CYP2C19: variants seen among roughly 807,000 people sequenced by gnomAD.
The protein encoded by CYP2C19 is cytochrome P450 2C19.
Under a neutral mutation model 40.9 loss-of-function variants are expected in CYP2C19, and 59 were observed. The ratio of observed to expected loss-of-function variants is 1.44; its 90% CI spans 1.17 to 1.79. The LOEUF is 1.79. Among genes scored for constraint, CYP2C19 ranks in the 40% most tolerant of loss-of-function variants. CYP2C19 has a pLI of 0.00. For synonymous variants in CYP2C19, 253 were observed against 208.7 expected (o/e 1.21, Z -1.83); for missense variants, 754 against 596.9 (o/e 1.26, Z -2.74).
intron 3 of CYP2C19, among the ~76,000 whole-genome samples, chr10:94,779,855 C>T (rs940296294): frequency 6.6e-6 from 1 of 152,226 alleles, no homozygotes; most frequent in South Asian, 2.1e-4. Flanking sequence ...CCAGTGTGCC[C>T]TATCTAATTT....
At position 94,834,026 on chromosome 10, in the gene CYP2C19, G is replaced by A. The variant is rs148129779; in HGVS notation, c.962-8811G>A. 3.4e-3 allele frequency among the ~76,000 whole-genome samples: 516 copies of A among 152,240 alleles called. 2 individuals are homozygous for A. The highest frequency in any genetic ancestry group is 0.012 in the African/African-American group (500 of 41,536). Reference sequence around the variant, plus strand: ...AATACTGGCTTCATAGAATGAGTTTGGAAGTATTCTCTTCTCCTTTATTTT... The same window carrying A: ...AATACTGGCTTCATAGAATGAGTTTAGAAGTATTCTCTTCTCCTTTATTTT... On this transcript the variant is annotated intron_variant, in intron 6 of 8. Coordinates refer to ENST00000371321, the MANE Select transcript of CYP2C19 (RefSeq NM_000769.4).
chr10:94,853,306 A>G lies in CYP2C19; in HGVS notation c.*392A>G. 2.6e-6 allele frequency: 1 copy of G among 386,888 alleles called. No individual in the cohort carries two copies. The allele number at this position is 386,888 out of a possible 1,614,324, so 24.0% of individuals were successfully genotyped here. The stretch of plus-strand genomic sequence containing the variant: ...TTCCTTTGTGCATAATGCAGGTGAC[A>G]AATTAAAGAAAATAGAGTTCCAGGA... On this transcript the variant is annotated 3_prime_UTR_variant, in exon 9 of 9. Transcript: ENST00000371321.
At chr10:94,763,023 G>A in intron 1 of CYP2C19, 150 bp downstream of exon 1, 1 of 786,668 alleles carries the variant, frequency 1.3e-6, no homozygotes, top group Non-Finnish European at 2.1e-6. Flanking sequence ...CAGTCTGTCA[G>A]TGTCAGAAAT....
At chr10:94,793,402 C>T (rs940832534) in intron 5 of CYP2C19, among the ~76,000 whole-genome samples, 1 of 152,174 alleles carries the variant, frequency 6.6e-6, no homozygotes, top group East Asian at 1.9e-4. Context: ...CTGTTGCTGG[C>T]AAGGAGCTGC....
At chr10:94,827,324 T>C (rs1849244434) in intron 6 of CYP2C19, among the ~76,000 whole-genome samples, 1 of 152,084 alleles carries the variant, frequency 6.6e-6, no homozygotes, top group South Asian at 2.1e-4. Context: ...CTATTGATTA[T>C]TGCCACAATT....
intron 8 of CYP2C19, 89 bp from the exon 9 acceptor site, chr10:94,852,644 A>G: frequency 1.4e-6 from 2 of 1,427,838 alleles, no homozygotes; most frequent in Non-Finnish European, 2.0e-6. Flanking sequence ...GTTCTTGCAT[A>G]TTCTGTCTGT....
At chr10:94,807,084 C>T (rs964413905) in intron 5 of CYP2C19, among the ~76,000 whole-genome samples, 20 of 152,210 alleles carry the variant, frequency 1.3e-4, no homozygotes, top group Admixed American at 9.8e-4. Flanking sequence ...ATTCTGTTCT[C>T]TATTTCTGTG....
intron 3 of CYP2C19, among the ~76,000 whole-genome samples, chr10:94,778,993 C>T (rs1288975776): frequency 6.6e-6 from 1 of 152,106 alleles, no homozygotes; most frequent in Non-Finnish European, 1.5e-5. Context: ...AACCACCATC[C>T]TCAGCAAACT....
intron 1 of CYP2C19, among the ~76,000 whole-genome samples, chr10:94,764,026 C>A (rs1407690380): frequency 3.3e-5 from 5 of 152,058 alleles, no homozygotes; most frequent in African/African-American, 1.2e-4. Flanking sequence ...GTTGTTCATT[C>A]CTCCTGGTGG....
At chr10:94,802,138 G>C (rs919381034) in intron 5 of CYP2C19, among the ~76,000 whole-genome samples, 7 of 148,470 alleles carry the variant, frequency 4.7e-5, no homozygotes, top group African/African-American at 1.8e-4. Flanking sequence ...CCATTTTTCA[G>C]AGCACTGATT....
At chr10:94,851,420 C>T (rs76828799) in intron 8 of CYP2C19, among the ~76,000 whole-genome samples, 7,213 of 150,716 alleles carry the variant, frequency 0.048, 231 homozygotes, top group South Asian at 0.12. Flanking sequence ...GGTAAGGACA[C>T]AGAGACAAAG....
At chr10:94,812,542 G>C (rs907993203) in intron 5 of CYP2C19, among the ~76,000 whole-genome samples, 1 of 152,034 alleles carries the variant, frequency 6.6e-6, no homozygotes, top group African/African-American at 2.4e-5. Flanking sequence ...TTTTCACATA[G>C]CACCACATTT....
chr10:94,792,665 A>C (rs962694114), intron 5 of CYP2C19, among the ~76,000 whole-genome samples: 3 of 152,186 alleles, frequency 2.0e-5, no homozygotes, highest in Admixed American at 1.3e-4. Flanking sequence ...TTTCTTTAAG[A>C]ATGTTGAATA....
At chr10:94,826,000 C>T (rs1446258758) in intron 6 of CYP2C19, among the ~76,000 whole-genome samples, 43 of 149,806 alleles carry the variant, frequency 2.9e-4, no homozygotes, top group Admixed American at 1.8e-3. Flanking sequence ...GGGCTCTGTT[C>T]TGTTCCATTG....
In CYP2C19 at chr10:94,855,406, C is replaced by A. The variant is rs1263312877; in HGVS notation, c.*2492C>A. Among the ~76,000 whole-genome samples, 1 of 152,198 alleles carries A rather than the reference C, an allele frequency of 6.6e-6. No homozygotes were observed. Among genetic ancestry groups the A allele is most frequent in the Non-Finnish European group, 1.5e-5 (1 of 68,026 alleles). On this transcript the variant is annotated 3_prime_UTR_variant, in exon 9 of 9. Transcript: ENST00000371321. ...GAAGTTGCTAACAACTTTGCTAATT[C>A]TCTGCATTTATTTTTATTGTTTGTA...
chr10:94,811,398 C>T (rs890120292), intron 5 of CYP2C19, among the ~76,000 whole-genome samples: 26 of 151,916 alleles, frequency 1.7e-4, no homozygotes, highest in Admixed American at 9.2e-4. Flanking sequence ...CTATTATGCC[C>T]GCTTGGTCCA....
In CYP2C19 at chr10:94,852,731, A is replaced by C; in HGVS notation, c.1292-2A>C. 3.1e-6 allele frequency: 5 copies of C among 1,613,752 alleles called. No individual in the cohort carries two copies. In the African/African-American group the frequency reaches 4.0e-5, roughly 13 times the overall value. ...ACTTCTCCCTATGTTTGTTATTTTC[A>C]GGAAAACGGATTTGTGTGGGAGAGG... On this transcript the variant is annotated splice_acceptor_variant, in intron 8 of 8. Coordinates refer to ENST00000371321, the MANE Select transcript of CYP2C19 (RefSeq NM_000769.4). LOFTEE classifies it high-confidence loss of function.
At chr10:94,763,550 C>T (rs1307027654) in intron 1 of CYP2C19, among the ~76,000 whole-genome samples, 1 of 152,012 alleles carries the variant, frequency 6.6e-6, no homozygotes, top group Admixed American at 6.6e-5. Context: ...GAATACACCT[C>T]ATTGTGTAGT....
intron 6 of CYP2C19, among the ~76,000 whole-genome samples, chr10:94,833,602 G>A (rs966817875): frequency 4.6e-5 from 7 of 152,114 alleles, no homozygotes; most frequent in African/African-American, 1.7e-4. Context: ...TATACACCAT[G>A]GAATACTATG....
Sources: gnomAD v4.1 joint callset for allele counts (sites outside exome capture counted in the v4.1 genomes callset) on GRCh38, gnomAD v4.1.1 for gene constraint, MANE v1.5 for transcripts, NCBI Gene and HGNC (gene_info 2026-07-23, HGNC 2026-07-21) for gene names.